TBX15: variants seen among roughly 807,000 people sequenced by gnomAD.
TBX15 encodes the protein T-box transcription factor 15, also known as T-box transcription factor TBX15.
Under a neutral mutation model 53.9 loss-of-function variants are expected in TBX15, and 18 were observed. The observed-to-expected ratio is 0.33, with a 90% CI of 0.23 to 0.49. The LOEUF (loss-of-function observed/expected upper bound fraction) is 0.49, where lower values mean the gene tolerates loss of function less well. Ranked by LOEUF, TBX15 falls within the 20% of genes least tolerant of loss-of-function variation. The probability of loss-of-function intolerance (pLI) is 0.98; values close to 1 mark genes in which losing one functional copy is unlikely to be tolerated. For synonymous variants in TBX15, 295 were observed against 278.0 expected (o/e 1.06, Z -0.61); for missense variants, 692 against 749.5 (o/e 0.92, Z 0.90).
chr1:118,891,048 A>G, intron 7 of TBX15: 1 of 647,592 alleles, frequency 1.5e-6, no homozygotes, highest in Non-Finnish European at 2.3e-6. Context: ...AAGTTTAATG[A>G]GCACAGCACT....
intron 6 of TBX15, among the ~76,000 whole-genome samples, chr1:118,909,703 G>A (rs527949142): frequency 3.1e-4 from 47 of 152,106 alleles, no homozygotes; most frequent in Admixed American, 2.5e-3. Context: ...CTGCCTCAGC[G>A]CCCCCAGTAG....
chr1:118,901,834 C>T (rs1043221984), intron 6 of TBX15, among the ~76,000 whole-genome samples: 7 of 152,140 alleles, frequency 4.6e-5, no homozygotes, highest in African/African-American at 1.7e-4. Context: ...AGGAGTCCAC[C>T]TGCCACATCC....
At chr1:118,987,559 C>A in intron 1 of TBX15, 32 bp downstream of exon 1, 2 of 1,535,112 alleles carry the variant, frequency 1.3e-6, no homozygotes, top group East Asian at 2.5e-5. Flanking sequence ...CCCTCTCCGC[C>A]CGCCTCCCGC....
Position 118,913,232 on chromosome 1 carries a change from TAA to T in TBX15, c.926+881_926+882del, listed in dbSNP as rs34874727. Among the ~76,000 whole-genome samples, 190 of 148,212 alleles carry T rather than the reference TAA, an allele frequency of 1.3e-3. 1 individual carries two copies. The highest frequency in any genetic ancestry group is 3.9e-3 in the African/African-American group (157 of 40,488). On this transcript the variant is annotated intron_variant, in intron 6 of 7. Transcript: ENST00000369429. ...AATGTAAATAAATGCCCTCAAACTA[TAA>T]AAAAAAAAAATCTATTAAAATAAAC...
At chr1:118,931,375 C>T (rs1451636081) in intron 2 of TBX15, among the ~76,000 whole-genome samples, 1 of 152,158 alleles carries the variant, frequency 6.6e-6, no homozygotes, top group African/African-American at 2.4e-5. Context: ...AGCTGAAATA[C>T]ATTTGTAGGT....
intron 6 of TBX15, among the ~76,000 whole-genome samples, chr1:118,903,663 A>G (rs1222703603): frequency 6.6e-6 from 1 of 152,220 alleles, no homozygotes; most frequent in Non-Finnish European, 1.5e-5. Flanking sequence ...GAAAAGGACT[A>G]AGGGAAGCCT....
At chr1:118,929,322 T>C (rs2788183) in intron 2 of TBX15, among the ~76,000 whole-genome samples, 115,550 of 152,086 alleles carry the variant, frequency 0.76, 44,299 homozygotes, top group East Asian at 0.86. Flanking sequence ...ACTAACATAA[T>C]TAAGAAGATG....
At chr1:118,896,608 G>T (rs531844648) in intron 7 of TBX15, among the ~76,000 whole-genome samples, 4 of 152,134 alleles carry the variant, frequency 2.6e-5, no homozygotes, top group Non-Finnish European at 5.9e-5. Flanking sequence ...CCAATCTTAG[G>T]TTTGGTGCAA....
chr1:118,900,850 G>A (rs1178130142), intron 6 of TBX15, among the ~76,000 whole-genome samples: 1 of 152,126 alleles, frequency 6.6e-6, no homozygotes, highest in East Asian at 1.9e-4. Flanking sequence ...GTTTTGGAAT[G>A]TTGGCCACCC....
chr1:118,982,201 G>C (rs773689395), intron 1 of TBX15, among the ~76,000 whole-genome samples: 1 of 152,072 alleles, frequency 6.6e-6, no homozygotes, highest in Non-Finnish European at 1.5e-5. Context: ...TGTACAGTTC[G>C]GCCTTGCTTT....
chr1:118,976,296 A>T (rs373575319), intron 1 of TBX15, among the ~76,000 whole-genome samples: 1 of 152,096 alleles, frequency 6.6e-6, no homozygotes, highest in South Asian at 2.1e-4. Context: ...TTCTTCTTTT[A>T]TTCTTGTTGT....
intron 1 of TBX15, among the ~76,000 whole-genome samples, chr1:118,968,204 C>G (rs191838602): frequency 6.6e-6 from 1 of 152,156 alleles, no homozygotes; most frequent in African/African-American, 2.4e-5. Context: ...TCAAAATCAT[C>G]GGAGGACTTT....
At chr1:118,942,601 T>C (rs1350571078) in intron 1 of TBX15, among the ~76,000 whole-genome samples, 1 of 152,304 alleles carries the variant, frequency 6.6e-6, no homozygotes, top group South Asian at 2.1e-4. Flanking sequence ...ACCTGAACTA[T>C]TGGAATCCTA....
At chr1:118,924,578 G>C in intron 4 of TBX15, 68 bp downstream of exon 4, 1 of 1,590,904 alleles carries the variant, frequency 6.3e-7, no homozygotes, top group Admixed American at 1.7e-5. Context: ...AAAAAGACTG[G>C]GGCTAGCCAG....
intron 1 of TBX15, among the ~76,000 whole-genome samples, chr1:118,984,065 C>T (rs544753888): frequency 8.5e-5 from 13 of 152,384 alleles, no homozygotes; most frequent in East Asian, 1.9e-4. Context: ...CATGTGACCA[C>T]TTGATCTAGA....
chr1:118,927,595 C>A (rs1161550098), intron 2 of TBX15, among the ~76,000 whole-genome samples: 1 of 152,158 alleles, frequency 6.6e-6, no homozygotes, highest in Non-Finnish European at 1.5e-5. Context: ...GAATTGGAAG[C>A]AAATACCAAA....
chr1:118,948,924 T>C (rs1656427380), intron 1 of TBX15, among the ~76,000 whole-genome samples: 1 of 152,240 alleles, frequency 6.6e-6, no homozygotes, highest in African/African-American at 2.4e-5. Context: ...GCTCCTAAAC[T>C]GCCTGTGAAA....
intron 1 of TBX15, among the ~76,000 whole-genome samples, chr1:118,975,592 A>C (rs557208832): frequency 1.3e-5 from 2 of 152,274 alleles, no homozygotes; most frequent in African/African-American, 4.8e-5. Flanking sequence ...AGTATACTGG[A>C]ACTGTGCAAC....
chr1:118,886,898 A>G (rs776238769), intron 7 of TBX15, among the ~76,000 whole-genome samples: 8 of 152,188 alleles, frequency 5.3e-5, no homozygotes, highest in Non-Finnish European at 8.8e-5. Flanking sequence ...AGTTGATCTT[A>G]TGATGTGTGA....
Sources: gnomAD v4.1 joint callset for allele counts (sites outside exome capture counted in the v4.1 genomes callset) on GRCh38, gnomAD v4.1.1 for gene constraint, MANE v1.5 for transcripts, NCBI Gene and HGNC (gene_info 2026-07-23, HGNC 2026-07-21) for gene names.